Variants in BRINP3 observed in about 807,000 individuals in gnomAD.
BRINP3 encodes BMP/retinoic acid-inducible neural-specific protein 3.
In BRINP3, 19 loss-of-function variants were observed where a neutral mutation model predicts 71.0. The observed-to-expected ratio is 0.27, with a 90% CI of 0.19 to 0.39. The LOEUF (loss-of-function observed/expected upper bound fraction) is 0.39, where lower values mean the gene tolerates loss of function less well. Ranked by LOEUF, BRINP3 falls within the 10% of genes least tolerant of loss-of-function variation. The pLI is 1.00. For synonymous variants in BRINP3, 380 were observed against 337.7 expected (o/e 1.13, Z -1.37); for missense variants, 959 against 940.8 (o/e 1.02, Z -0.25).
intron 2 of BRINP3, among the ~76,000 whole-genome samples, chr1:190,345,382 G>T (rs900147327): frequency 2.0e-5 from 3 of 151,648 alleles, no homozygotes; most frequent in African/African-American, 2.4e-5. Flanking sequence ...ATAAAACCAA[G>T]ACCTGGAATC....
chr1:190,191,719 G>A (rs1417227630), intron 6 of BRINP3, among the ~76,000 whole-genome samples: 1 of 152,032 alleles, frequency 6.6e-6, no homozygotes, highest in Non-Finnish European at 1.5e-5. Context: ...ATAAACGTAT[G>A]TGTGCCTGTG....
chr1:190,100,101 A>T (rs1230748533), intron 7 of BRINP3, among the ~76,000 whole-genome samples: 1 of 152,198 alleles, frequency 6.6e-6, no homozygotes, highest in Admixed American at 6.5e-5. Flanking sequence ...GAAAAATGGG[A>T]ATAGTAATAT....
intron 2 of BRINP3, among the ~76,000 whole-genome samples, chr1:190,451,196 A>T (rs1675583155): frequency 6.6e-6 from 1 of 151,276 alleles, no homozygotes; most frequent in Admixed American, 6.6e-5. Context: ...AGAAAAAAAA[A>T]ATTTTTGTTT....
At chr1:190,149,038 T>C (rs898445391) in intron 7 of BRINP3, among the ~76,000 whole-genome samples, 2 of 152,210 alleles carry the variant, frequency 1.3e-5, no homozygotes, top group Admixed American at 6.5e-5. Flanking sequence ...TTATCAAAAC[T>C]TCAGAATCCT....
At chr1:190,361,669 T>C (rs1403163804) in intron 2 of BRINP3, among the ~76,000 whole-genome samples, 1 of 152,146 alleles carries the variant, frequency 6.6e-6, no homozygotes. Context: ...CCCAAAGTGC[T>C]GGAATTACAG....
intron 4 of BRINP3, among the ~76,000 whole-genome samples, chr1:190,262,293 C>A (rs2102864504): frequency 6.6e-6 from 1 of 152,220 alleles, no homozygotes; most frequent in African/African-American, 2.4e-5. Context: ...TTACAGCTGC[C>A]TGAGAAGGAA....
intron 7 of BRINP3, among the ~76,000 whole-genome samples, chr1:190,107,575 A>C (rs1321302990): frequency 1.3e-5 from 2 of 152,042 alleles, no homozygotes; most frequent in East Asian, 1.9e-4. Flanking sequence ...ATAGTGTTGT[A>C]TAATAGATTC....
At chr1:190,419,962 G>T (rs887600892) in intron 2 of BRINP3, among the ~76,000 whole-genome samples, 1 of 151,998 alleles carries the variant, frequency 6.6e-6, no homozygotes, top group Non-Finnish European at 1.5e-5. Context: ...ACAAATATCA[G>T]CTGTGTTGGT....
chr1:190,341,541 A>G (rs1667654872), intron 2 of BRINP3, among the ~76,000 whole-genome samples: 1 of 151,798 alleles, frequency 6.6e-6, no homozygotes. Flanking sequence ...TAATACTTCC[A>G]ATGAACAAAA....
chr1:190,144,099 CAA>C (rs1367572802), intron 7 of BRINP3, among the ~76,000 whole-genome samples: 1 of 152,126 alleles, frequency 6.6e-6, no homozygotes, highest in Non-Finnish European at 1.5e-5. Context: ...AAACACCAAA[CAA>C]TGTACAGGCA....
At chr1:190,274,999 A>G (rs1453258113) in intron 3 of BRINP3, among the ~76,000 whole-genome samples, 3 of 151,642 alleles carry the variant, frequency 2.0e-5, no homozygotes, top group Non-Finnish European at 3.0e-5. Flanking sequence ...GAAACATAAT[A>G]TGTTTTGCAA....
intron 2 of BRINP3, among the ~76,000 whole-genome samples, chr1:190,407,618 C>A (rs956324215): frequency 6.6e-6 from 1 of 151,980 alleles, no homozygotes; most frequent in African/African-American, 2.4e-5. Flanking sequence ...AACATGTAAA[C>A]CCTAATTTAT....
At chr1:190,115,087 T>C in intron 7 of BRINP3, among the ~76,000 whole-genome samples, 1 of 152,174 alleles carries the variant, frequency 6.6e-6, no homozygotes, top group East Asian at 1.9e-4. Context: ...TTACATCTAA[T>C]GATGGCAGGA....
At chr1:190,329,839 T>A (rs578163971) in intron 2 of BRINP3, among the ~76,000 whole-genome samples, 14 of 151,742 alleles carry the variant, frequency 9.2e-5, no homozygotes, top group Non-Finnish European at 1.9e-4. Flanking sequence ...TAAATCCACA[T>A]ACCTAGAGCC....
At chr1:190,460,118 ATAAATGT>A (rs1433968552) in intron 1 of BRINP3, among the ~76,000 whole-genome samples, 1 of 151,988 alleles carries the variant, frequency 6.6e-6, no homozygotes, top group Non-Finnish European at 1.5e-5. Context: ...ACTGAAGCTT[ATAAATGT>A]AAAACTATGA....
At chr1:190,267,727 T>C (rs1661780172) in intron 3 of BRINP3, among the ~76,000 whole-genome samples, 2 of 151,870 alleles carry the variant, frequency 1.3e-5, no homozygotes, top group Admixed American at 1.3e-4. Flanking sequence ...AATAAATATA[T>C]AATAAAACAG....
chr1:190,281,490 C>A, intron 3 of BRINP3, 70 bp downstream of exon 3: 1 of 1,406,018 alleles, frequency 7.1e-7, no homozygotes, highest in Non-Finnish European at 9.8e-7. Context: ...GATTAATTAA[C>A]ACTTTTCTGC....
chr1:190,319,836 C>T (rs187140051), intron 2 of BRINP3, among the ~76,000 whole-genome samples: 129 of 152,160 alleles, frequency 8.5e-4, no homozygotes, highest in Non-Finnish European at 1.6e-3. Context: ...TGGATGGGGA[C>T]AAAGATCCAA....
At chr1:190,198,934 C>G (rs977526522) in intron 6 of BRINP3, among the ~76,000 whole-genome samples, 7 of 152,104 alleles carry the variant, frequency 4.6e-5, no homozygotes, top group Non-Finnish European at 1.0e-4. Flanking sequence ...TACTGTGTTA[C>G]TCTGTTACCA....
Sources: gnomAD v4.1 joint callset for allele counts (sites outside exome capture counted in the v4.1 genomes callset) on GRCh38, gnomAD v4.1.1 for gene constraint, MANE v1.5 for transcripts, NCBI Gene and HGNC (gene_info 2026-07-23, HGNC 2026-07-21) for gene names.